The following SDC2 variants were observed in gnomAD, a reference collection of about 807,000 sequenced individuals.
The protein encoded by SDC2 is syndecan 2, also known as syndecan-2.
In SDC2, 13 loss-of-function variants were observed where a neutral mutation model predicts 22.2. That is an observed-to-expected ratio of 0.59 (90% CI 0.38 to 0.93). SDC2 has a LOEUF of 0.93. Among genes scored for constraint, SDC2 ranks in the 40% least tolerant of loss-of-function variants. The pLI, the probability that SDC2 is intolerant of heterozygous loss-of-function variation, is 0.00. For synonymous variants in SDC2, 94 were observed against 92.8 expected (o/e 1.01, Z -0.07); for missense variants, 235 against 246.8 (o/e 0.95, Z 0.32).
chr8:96,571,449 T>C (rs1586306425), intron 1 of SDC2, among the ~76,000 whole-genome samples: 1 of 152,134 alleles, frequency 6.6e-6, no homozygotes, highest in Non-Finnish European at 1.5e-5. Flanking sequence ...AACTTGAAAA[T>C]AGAAACAAAG....
At chr8:96,587,937 A>G (rs2130621921) in intron 1 of SDC2, among the ~76,000 whole-genome samples, 1 of 152,258 alleles carries the variant, frequency 6.6e-6, no homozygotes, top group Non-Finnish European at 1.5e-5. Context: ...TTGGAGCTGT[A>G]TGATTTCAGG....
intron 1 of SDC2, among the ~76,000 whole-genome samples, chr8:96,530,266 A>T (rs1340935793): frequency 6.6e-6 from 1 of 152,224 alleles, no homozygotes; most frequent in East Asian, 1.9e-4. Context: ...TTTTGGAATG[A>T]TTAATAGCTA....
At chr8:96,547,910 C>T (rs979755948) in intron 1 of SDC2, among the ~76,000 whole-genome samples, 4 of 151,814 alleles carry the variant, frequency 2.6e-5, no homozygotes, top group Admixed American at 2.6e-4. Context: ...TACAGGCGCA[C>T]ACCACCACAC....
Position 96,609,584 on chromosome 8 carries a change from G to T in SDC2, c.*36G>T. 1 of 1,428,410 alleles carries T rather than the reference G, an allele frequency of 7.0e-7. No individual in the cohort carries two copies. The highest frequency in any genetic ancestry group is 1.5e-5 in the South Asian group (1 of 66,040). 88.5% of individuals were successfully genotyped at this position (1,428,410 alleles called of 1,614,324 possible). A position where few individuals can be genotyped will look rare whatever the true frequency, so the allele number is the denominator to read the frequency against. On this transcript the variant is annotated 3_prime_UTR_variant, in exon 5 of 5. Coordinates refer to ENST00000302190, the MANE Select transcript of SDC2 (RefSeq NM_002998.4). ...TAGTGTCTCTATTTATGAGATCACT[G>T]AACTTTTCAAAATAAAGCTTTTGCA... is the stretch of plus-strand genomic sequence containing the variant.
intron 1 of SDC2, among the ~76,000 whole-genome samples, chr8:96,540,790 A>G (rs1813836142): frequency 6.6e-6 from 1 of 152,228 alleles, no homozygotes; most frequent in South Asian, 2.1e-4. Flanking sequence ...CAGCGTTGAA[A>G]GTGAAGTATT....
intron 1 of SDC2, among the ~76,000 whole-genome samples, chr8:96,585,853 GTTTT>G (rs199970598): frequency 2.1e-5 from 3 of 145,426 alleles, no homozygotes; most frequent in African/African-American, 7.7e-5. Flanking sequence ...CTGGCAAGAG[GTTTT>G]TTTTTTTTTT....
chr8:96,498,750 A>G (rs1813114392), intron 1 of SDC2, among the ~76,000 whole-genome samples: 1 of 152,134 alleles, frequency 6.6e-6, no homozygotes, highest in African/African-American at 2.4e-5. Context: ...TCGGCCACCC[A>G]AAGTGCTGGG....
chr8:96,552,670 T>G (rs1195847803), intron 1 of SDC2, among the ~76,000 whole-genome samples: 2 of 152,182 alleles, frequency 1.3e-5, no homozygotes, highest in African/African-American at 2.4e-5. Flanking sequence ...GTTTTTAGAT[T>G]TTTGTCACTG....
chr8:96,498,977 C>G (rs886595212), intron 1 of SDC2, among the ~76,000 whole-genome samples: 5 of 152,096 alleles, frequency 3.3e-5, no homozygotes, highest in African/African-American at 1.2e-4. Flanking sequence ...ATCATGTTGC[C>G]CATGGTCTAG....
At chr8:96,499,146 T>C (rs2130417031) in intron 1 of SDC2, among the ~76,000 whole-genome samples, 1 of 152,344 alleles carries the variant, frequency 6.6e-6, no homozygotes, top group East Asian at 1.9e-4. Flanking sequence ...GAACACTCCC[T>C]GGACATTGCT....
chr8:96,532,413 T>C (rs1002347311), intron 1 of SDC2, among the ~76,000 whole-genome samples: 10 of 48,900 alleles, frequency 2.0e-4, no homozygotes, highest in Non-Finnish European at 3.8e-4. Context: ...TATTGAGGCG[T>C]TTTTTTTTTT....
intron 1 of SDC2, among the ~76,000 whole-genome samples, chr8:96,528,314 C>CT (rs1813609766): frequency 1.3e-5 from 2 of 152,108 alleles, no homozygotes; most frequent in East Asian, 3.9e-4. Flanking sequence ...GATTGCTCAA[C>CT]TTAAGTACAT....
intron 2 of SDC2, among the ~76,000 whole-genome samples, chr8:96,601,549 G>A (rs537522618): frequency 2.1e-3 from 316 of 148,180 alleles, no homozygotes; most frequent in Non-Finnish European, 3.4e-3. Flanking sequence ...GCTGAGGCAG[G>A]AGAATCACTT....
At chr8:96,593,771 A>C (rs1419670009) in intron 2 of SDC2, among the ~76,000 whole-genome samples, 180 bp downstream of exon 2, 1 of 152,188 alleles carries the variant, frequency 6.6e-6, no homozygotes, top group East Asian at 1.9e-4. Flanking sequence ...TGAGATCTTG[A>C]GAATTTATTT....
At chr8:96,601,279 G>A (rs1421623674) in intron 2 of SDC2, among the ~76,000 whole-genome samples, 1 of 152,148 alleles carries the variant, frequency 6.6e-6, no homozygotes, top group Non-Finnish European at 1.5e-5. Flanking sequence ...GGAGTAGAAT[G>A]CAGAGTGGAG....
At position 96,610,406 on chromosome 8, in the gene SDC2, G is replaced by C. The variant is rs1452772129; in HGVS notation, c.*858G>C. On this transcript the variant is annotated 3_prime_UTR_variant, in exon 5 of 5. Transcript: ENST00000302190. ...GAGGTTTAAAGAAAAATCAGTTTTT[G>C]TTCTTAAAAATGCATTTAAGTTGTA... The C allele has an allele frequency of 6.6e-6, 1 of 152,478 alleles. No individual in the cohort carries two copies. The highest frequency in any genetic ancestry group is 2.4e-5 in the African/African-American group (1 of 41,400). 9.4% of individuals were successfully genotyped at this position (152,478 alleles called of 1,614,324 possible).
intron 1 of SDC2, among the ~76,000 whole-genome samples, chr8:96,591,608 T>C (rs1814782691): frequency 6.6e-6 from 1 of 152,184 alleles, no homozygotes; most frequent in Admixed American, 6.5e-5. Flanking sequence ...GTTTATGTCT[T>C]AAACTGTTCA....
intron 1 of SDC2, among the ~76,000 whole-genome samples, chr8:96,584,205 T>G (rs982303221): frequency 6.6e-6 from 1 of 152,224 alleles, no homozygotes; most frequent in African/African-American, 2.4e-5. Flanking sequence ...GGAAATTCTA[T>G]CCATTGACTG....
intron 1 of SDC2, among the ~76,000 whole-genome samples, chr8:96,585,617 T>G (rs183023848): frequency 6.6e-6 from 1 of 152,140 alleles, no homozygotes; most frequent in Non-Finnish European, 1.5e-5. Context: ...AATAAGCATA[T>G]GAGATCTTTC....
Sources: allele counts gnomAD v4.1 joint callset (sites outside exome capture counted in the v4.1 genomes callset), GRCh38; gene constraint gnomAD v4.1.1; transcripts MANE v1.5; gene names NCBI Gene and HGNC (gene_info 2026-07-23, HGNC 2026-07-21).